Variants in KHDRBS2 observed in about 807,000 individuals in gnomAD.
KHDRBS2 encodes KH domain-containing, RNA-binding, signal transduction-associated protein 2.
KHDRBS2 carries 26 observed loss-of-function variants against 44.3 expected under a neutral mutation model. The observed-to-expected ratio is 0.59, with a 90% CI of 0.43 to 0.81. The LOEUF (loss-of-function observed/expected upper bound fraction) is 0.81, where lower values mean the gene tolerates loss of function less well. Ranked by LOEUF, KHDRBS2 falls within the 40% of genes least tolerant of loss-of-function variation. KHDRBS2 has a pLI of 0.00. For missense variants in KHDRBS2, 476 were observed against 433.1 expected, an observed-to-expected ratio of 1.10 and a Z score of -0.88; for synonymous variants, 194 against 151.1, an observed-to-expected ratio of 1.28 and a Z score of -2.08.
intron 7 of KHDRBS2, among the ~76,000 whole-genome samples, chr6:61,731,916 G>A (rs1774518221): frequency 6.6e-6 from 1 of 152,074 alleles, no homozygotes; most frequent in Non-Finnish European, 1.5e-5. Context: ...CTTACAAGGT[G>A]TTCTAGAGAA....
intron 3 of KHDRBS2, among the ~76,000 whole-genome samples, chr6:62,010,779 A>C (rs1562637204): frequency 6.6e-6 from 1 of 152,160 alleles, no homozygotes; most frequent in African/African-American, 2.4e-5. Flanking sequence ...GTTTAAAAAA[A>C]CCTCATCTGT....
intron 6 of KHDRBS2, among the ~76,000 whole-genome samples, chr6:61,765,737 C>T (rs372954220): frequency 8.6e-5 from 13 of 151,996 alleles, no homozygotes; most frequent in African/African-American, 3.1e-4. Context: ...TTTTCAGCAT[C>T]ATTTGAAAAG....
At chr6:61,812,243 C>T (rs1186410541) in intron 6 of KHDRBS2, among the ~76,000 whole-genome samples, 1 of 151,634 alleles carries the variant, frequency 6.6e-6, no homozygotes, top group African/African-American at 2.4e-5. Context: ...TAAAATAACC[C>T]ATGTGATTTT....
At chr6:61,905,146 C>T (rs1366394727) in intron 4 of KHDRBS2, among the ~76,000 whole-genome samples, 2 of 152,014 alleles carry the variant, frequency 1.3e-5, no homozygotes, top group Non-Finnish European at 2.9e-5. Flanking sequence ...CCAATTTTTT[C>T]AATACTTTAC....
chr6:61,729,089 A>C (rs1331053515), intron 7 of KHDRBS2, among the ~76,000 whole-genome samples: 1 of 152,170 alleles, frequency 6.6e-6, no homozygotes, highest in Non-Finnish European at 1.5e-5. Flanking sequence ...AATGCCCATC[A>C]CTGATAGACA....
chr6:62,082,082 A>G (rs1797508830), intron 2 of KHDRBS2, among the ~76,000 whole-genome samples: 1 of 152,180 alleles, frequency 6.6e-6, no homozygotes. Context: ...ATAATTTACC[A>G]TTAAAACAGC....
intron 6 of KHDRBS2, among the ~76,000 whole-genome samples, chr6:61,776,890 A>C (rs1301676555): frequency 6.6e-6 from 1 of 152,304 alleles, no homozygotes; most frequent in East Asian, 1.9e-4. Context: ...ATCCAACCTA[A>C]ATGTCCAACA....
chr6:62,024,372 C>G (rs1782909989), intron 3 of KHDRBS2, among the ~76,000 whole-genome samples: 1 of 151,372 alleles, frequency 6.6e-6, no homozygotes. Context: ...TTTTTTGTAA[C>G]ATTATTTTCC....
At chr6:61,615,129 A>G in the KHDRBS2 span, among the ~76,000 whole-genome samples, 1 of 146,952 alleles carries the variant, frequency 6.8e-6, no homozygotes, top group East Asian at 2.1e-4. Flanking sequence ...GCTACTCGGG[A>G]GGCTGAGGCA....
intron 2 of KHDRBS2, among the ~76,000 whole-genome samples, chr6:62,078,335 C>G (rs1377251652): frequency 3.3e-5 from 5 of 151,910 alleles, no homozygotes; most frequent in Middle Eastern, 3.2e-3. Flanking sequence ...TGTCTCATCT[C>G]TTATTTTATC....
chr6:62,136,168 T>G (rs1191883914), intron 2 of KHDRBS2, among the ~76,000 whole-genome samples: 1 of 152,122 alleles, frequency 6.6e-6, no homozygotes, highest in Non-Finnish European at 1.5e-5. Context: ...TATCAAAACA[T>G]CATGTTGGAT....
intron 2 of KHDRBS2, among the ~76,000 whole-genome samples, chr6:62,111,256 C>A (rs547286458): frequency 3.9e-4 from 60 of 152,196 alleles, no homozygotes; most frequent in Admixed American, 7.2e-4. Context: ...CCCTTAGACA[C>A]AGATAACAAT....
At chr6:62,250,874 A>G (rs1479860110) in intron 1 of KHDRBS2, among the ~76,000 whole-genome samples, 1 of 152,032 alleles carries the variant, frequency 6.6e-6, no homozygotes, top group African/African-American at 2.4e-5. Flanking sequence ...TACAAAGACA[A>G]GTTATAGAAA....
chr6:62,071,960 T>G (rs1795224741), intron 2 of KHDRBS2, among the ~76,000 whole-genome samples: 1 of 152,208 alleles, frequency 6.6e-6, no homozygotes, highest in African/African-American at 2.4e-5. Flanking sequence ...ATATTGATTC[T>G]TCCTACCCAT....
At chr6:62,153,723 G>A (rs1172890073) in intron 2 of KHDRBS2, among the ~76,000 whole-genome samples, 1 of 152,114 alleles carries the variant, frequency 6.6e-6, no homozygotes, top group Admixed American at 6.6e-5. Flanking sequence ...GCTACTGTCA[G>A]ACTCACTCAA....
intron 6 of KHDRBS2, among the ~76,000 whole-genome samples, chr6:61,880,257 T>C (rs950915317): frequency 1.3e-5 from 2 of 151,886 alleles, no homozygotes; most frequent in Non-Finnish European, 1.5e-5. Flanking sequence ...TGTGGTGTTA[T>C]AATAGCCCTG....
chr6:62,196,666 G>A (rs1210333270), intron 1 of KHDRBS2, among the ~76,000 whole-genome samples: 2 of 152,074 alleles, frequency 1.3e-5, no homozygotes, highest in Non-Finnish European at 2.9e-5. Context: ...AAACTCTTCA[G>A]ACTTAGATGT....
intron 2 of KHDRBS2, among the ~76,000 whole-genome samples, chr6:62,089,278 A>G (rs890453654): frequency 2.0e-5 from 3 of 151,220 alleles, no homozygotes; most frequent in African/African-American, 7.3e-5. Flanking sequence ...CAAAAAAAAA[A>G]AAAAAAAAGA....
At chr6:61,655,749 C>T in the KHDRBS2 span, among the ~76,000 whole-genome samples, 1 of 151,916 alleles carries the variant, frequency 6.6e-6, no homozygotes, top group Non-Finnish European at 1.5e-5. Flanking sequence ...AAAACTTAGC[C>T]TACATGTAAG....
Sources: gnomAD v4.1 joint callset for allele counts (sites outside exome capture counted in the v4.1 genomes callset) on GRCh38, gnomAD v4.1.1 for gene constraint, MANE v1.5 for transcripts, NCBI Gene and HGNC (gene_info 2026-07-23, HGNC 2026-07-21) for gene names.